CCDC171: variants seen among roughly 807,000 people sequenced by gnomAD.
CCDC171 encodes the protein coiled-coil domain-containing protein 171.
CCDC171 carries 177 observed loss-of-function variants against 168.2 expected under a neutral mutation model. That is an observed-to-expected ratio of 1.05 (90% CI 0.93 to 1.19). The LOEUF (loss-of-function observed/expected upper bound fraction) is 1.19. CCDC171 is among the 50% of genes most tolerant of loss of function. The pLI is 0.00. For missense variants in CCDC171, 1,991 were observed against 1,539.0 expected (o/e 1.29, Z -4.91); for synonymous variants, 687 against 540.8 (o/e 1.27, Z -3.75).
At chr9:15,793,116 G>A (rs1459502639) in intron 21 of CCDC171, among the ~76,000 whole-genome samples, 8 of 151,954 alleles carry the variant, frequency 5.3e-5, no homozygotes, top group Non-Finnish European at 7.4e-5. Context: ...TCAAAATAAA[G>A]GGATGGAGGA....
intron 24 of CCDC171, among the ~76,000 whole-genome samples, chr9:15,880,367 C>G (rs939189815): frequency 6.6e-6 from 1 of 151,980 alleles, no homozygotes. Flanking sequence ...TGTATATTTA[C>G]ATGGTACAGA....
At chr9:15,667,386 C>G (rs2048808898) in intron 9 of CCDC171, among the ~76,000 whole-genome samples, 1 of 152,146 alleles carries the variant, frequency 6.6e-6, no homozygotes, top group Admixed American at 6.5e-5. Context: ...TGGCTTACAC[C>G]TGTAATCCCA....
intron 1 of CCDC171, among the ~76,000 whole-genome samples, chr9:15,562,970 A>G (rs1188942253): frequency 6.6e-6 from 1 of 152,090 alleles, no homozygotes; most frequent in East Asian, 1.9e-4. Flanking sequence ...GCGTCTCTGA[A>G]TCAGATGAGT....
intron 25 of CCDC171, among the ~76,000 whole-genome samples, chr9:15,967,245 C>T (rs1404230593): frequency 4.6e-5 from 7 of 152,176 alleles, no homozygotes; most frequent in African/African-American, 7.2e-5. Flanking sequence ...CACTGTAACA[C>T]CCTCTTGTGG....
At chr9:16,071,950 A>G in the CCDC171 span, among the ~76,000 whole-genome samples, 1 of 152,028 alleles carries the variant, frequency 6.6e-6, no homozygotes, top group Non-Finnish European at 1.5e-5. Context: ...TGAACAAACC[A>G]AATTCCTCAC....
intron 1 of CCDC171, among the ~76,000 whole-genome samples, chr9:16,049,354 A>G (rs1226155887): frequency 6.6e-6 from 1 of 152,130 alleles, no homozygotes; most frequent in African/African-American, 2.4e-5. Flanking sequence ...AAACCTGGTA[A>G]AGCATTATTT....
intron 1 of CCDC171, among the ~76,000 whole-genome samples, chr9:15,563,751 T>C (rs529966529): frequency 6.6e-6 from 1 of 152,194 alleles, no homozygotes; most frequent in South Asian, 2.1e-4. Flanking sequence ...TTTGGATCTA[T>C]ATGTAGGAGC....
At chr9:15,617,138 C>G (rs1218406179) in intron 6 of CCDC171, among the ~76,000 whole-genome samples, 1 of 152,198 alleles carries the variant, frequency 6.6e-6, no homozygotes, top group African/African-American at 2.4e-5. Flanking sequence ...TTAGAACATG[C>G]TCCTTTAGCT....
At chr9:15,916,491 C>T (rs1365755622) in intron 24 of CCDC171, among the ~76,000 whole-genome samples, 2 of 151,938 alleles carry the variant, frequency 1.3e-5, no homozygotes, top group Non-Finnish European at 2.9e-5. Flanking sequence ...TTTCCAATTA[C>T]TCAAAAATGT....
chr9:16,040,195 C>T (rs952178375), upstream of CCDC171, among the ~76,000 whole-genome samples: 1 of 152,174 alleles, frequency 6.6e-6, no homozygotes, highest in African/African-American at 2.4e-5. Context: ...CACCAGAGAG[C>T]CACAGGCATC....
chr9:15,678,750 C>G lies in CCDC171; in HGVS notation c.1077-8C>G. The G allele has an allele frequency of 1.9e-6, 3 of 1,576,514 alleles. No individual in the cohort carries two copies. Among genetic ancestry groups the G allele is most frequent in the East Asian group, 2.3e-5 (1 of 44,356 alleles). On this transcript the variant is annotated splice_region_variant and splice_polypyrimidine_tract_variant and intron_variant, in intron 9 of 25. Coordinates refer to ENST00000380701, the MANE Select transcript of CCDC171 (RefSeq NM_173550.4). ...TGAAAAACCTGCTCTGACACTTTAA[C>G]TTTTCAGATTAGAAAAAGAGTATTT...
chr9:15,843,020 G>C (rs1019451797), intron 21 of CCDC171, among the ~76,000 whole-genome samples: 3 of 151,674 alleles, frequency 2.0e-5, no homozygotes, highest in African/African-American at 7.3e-5. Flanking sequence ...TACTTCCTTT[G>C]TATCCATACT....
rs1190940412 is a variant in CCDC171, at chr9:15,990,752, C to CA, written n.369-29830dup. On this transcript the variant is annotated intron_variant and non_coding_transcript_variant, in intron 3 of 9. Coordinates refer to the CCDC171 transcript ENST00000486641. ...GAAGATCTACCAAGCAAATGGAAAACAAAAAAAGGCAGGAGTTGCAATCCT... is the reference window on the plus strand; with the variant it reads ...GAAGATCTACCAAGCAAATGGAAAACAAAAAAAAGGCAGGAGTTGCAATCCT... 3.3e-5 allele frequency among the ~76,000 whole-genome samples: 5 copies of CA among 151,780 alleles called. No individual in the cohort carries two copies. In the South Asian group the frequency reaches 1.0e-3, roughly 32 times the overall value.
chr9:16,070,694 C>G, the CCDC171 span, among the ~76,000 whole-genome samples: 1 of 152,158 alleles, frequency 6.6e-6, no homozygotes, highest in African/African-American at 2.4e-5. Context: ...GGCCAAGTGC[C>G]GTGGGGCCTC....
intron 9 of CCDC171, among the ~76,000 whole-genome samples, chr9:15,671,889 A>T (rs2049142073): frequency 6.6e-6 from 1 of 152,212 alleles, no homozygotes; most frequent in Non-Finnish European, 1.5e-5. Flanking sequence ...CGCTGCGTCA[A>T]GTGGTATTTC....
intron 6 of CCDC171, among the ~76,000 whole-genome samples, chr9:15,610,577 G>C (rs950178492): frequency 4.7e-5 from 7 of 149,040 alleles, no homozygotes; most frequent in Non-Finnish European, 8.9e-5. Context: ...GCAGTGAACC[G>C]AGCTGGTGCC....
the CCDC171 span, among the ~76,000 whole-genome samples, chr9:16,102,481 C>T: frequency 2.3e-5 from 1 of 44,080 alleles, no homozygotes; most frequent in Non-Finnish European, 4.1e-5. Flanking sequence ...TAAGGATAAA[C>T]GTGTGTTGGG....
At chr9:15,849,087 A>G (rs1232354995) in intron 23 of CCDC171, 140 bp downstream of exon 23, 5 of 513,122 alleles carry the variant, frequency 9.7e-6, no homozygotes, top group Middle Eastern at 5.0e-4. Flanking sequence ...ATGACTGGAA[A>G]TTTCCATTAC....
At chr9:16,017,196 C>G (rs1455203398) in intron 3 of CCDC171, among the ~76,000 whole-genome samples, 1 of 152,092 alleles carries the variant, frequency 6.6e-6, no homozygotes. Context: ...AATAAAAATG[C>G]TGTCTATACC....
Sources: gnomAD v4.1 joint callset for allele counts (sites outside exome capture counted in the v4.1 genomes callset) on GRCh38, gnomAD v4.1.1 for gene constraint, MANE v1.5 for transcripts, NCBI Gene and HGNC (gene_info 2026-07-23, HGNC 2026-07-21) for gene names.